Variants in CCDC144A observed in about 807,000 individuals in gnomAD.
CCDC144A encodes coiled-coil domain containing 144A, also known as coiled-coil domain-containing protein 144A.
Under a neutral mutation model 143.8 loss-of-function variants are expected in CCDC144A, and 41 were observed. The observed-to-expected ratio is 0.29, with a 90% CI of 0.22 to 0.37. The LOEUF (loss-of-function observed/expected upper bound fraction) is 0.37. CCDC144A is among the 10% of genes least tolerant of loss of function. CCDC144A has a pLI of 1.00. For synonymous variants in CCDC144A, 242 were observed against 517.9 expected (o/e 0.47, Z 7.23); for missense variants, 637 against 1,488.8 (o/e 0.43, Z 9.41).
upstream of CCDC144A, among the ~76,000 whole-genome samples, chr17:16,686,819 G>A (rs1258201454): frequency 1.3e-5 from 2 of 151,576 alleles, no homozygotes; most frequent in Admixed American, 6.6e-5. Context: ...TTTCAGGGAA[G>A]GGAAGGTTCT....
At chr17:16,714,594 C>A (rs1912634159) in intron 6 of CCDC144A, among the ~76,000 whole-genome samples, 1 of 152,112 alleles carries the variant, frequency 6.6e-6, no homozygotes, top group Non-Finnish European at 1.5e-5. Context: ...CATTTCCAAG[C>A]CACCACCATC....
intron 9 of CCDC144A, chr17:16,731,379 G>A (rs1224190938): frequency 4.8e-6 from 1 of 208,066 alleles, no homozygotes; most frequent in Non-Finnish European, 9.7e-6. Context: ...TCATGAAGAT[G>A]AAAATGCATT....
At chr17:16,754,752 A>G (rs1914994432) in intron 12 of CCDC144A, among the ~76,000 whole-genome samples, 1 of 152,268 alleles carries the variant, frequency 6.6e-6, no homozygotes, top group South Asian at 2.1e-4. Context: ...TGTGGTCTAT[A>G]GTGCAGGTTC....
At chr17:16,708,083 T>A (rs1406230672) in intron 4 of CCDC144A, among the ~76,000 whole-genome samples, 1 of 152,090 alleles carries the variant, frequency 6.6e-6, no homozygotes, top group East Asian at 1.9e-4. Flanking sequence ...CAGAATGGGA[T>A]CTTTGGTGTT....
At chr17:16,732,444 T>A in intron 10 of CCDC144A, 94 bp from the exon 11 acceptor site, 1 of 682,274 alleles carries the variant, frequency 1.5e-6, no homozygotes, top group South Asian at 1.9e-5. Context: ...ACAGGCTACT[T>A]CTTTTTAACC....
chr17:16,761,340 A>C (rs1223070651), intron 12 of CCDC144A, 85 bp from the exon 13 acceptor site: 1 of 1,496,570 alleles, frequency 6.7e-7, no homozygotes, highest in Non-Finnish European at 8.9e-7. Flanking sequence ...TCTCAAAAAA[A>C]AAAAAAAAAA....
chr17:16,696,325 A>G (rs1911399502), intron 2 of CCDC144A, among the ~76,000 whole-genome samples: 1 of 149,904 alleles, frequency 6.7e-6, no homozygotes, highest in Non-Finnish European at 1.5e-5. Flanking sequence ...AGACTTTTTA[A>G]TACTACAGAA....
At chr17:16,725,002 A>ATTTTTTTTTTTTT (rs1167527388) in intron 8 of CCDC144A, among the ~76,000 whole-genome samples, 3 of 37,268 alleles carry the variant, frequency 8.0e-5, no homozygotes, top group Non-Finnish European at 1.6e-4. Context: ...ATAGCTGGTA[A>ATTTTTTTTTTTTT]TTTTTTTTTT....
intron 5 of CCDC144A, among the ~76,000 whole-genome samples, chr17:16,711,145 A>AAAAAAAAAAAAAAC (rs1156717038): frequency 3.2e-4 from 43 of 133,470 alleles, no homozygotes; most frequent in East Asian, 1.5e-3. Flanking sequence ...TGAAAAAAAA[A>AAAAAAAAAAAAAAC]AAAAAAAAAA....
At chr17:16,693,417 G>A (rs539469936) in intron 2 of CCDC144A, among the ~76,000 whole-genome samples, 3 of 151,654 alleles carry the variant, frequency 2.0e-5, no homozygotes, top group Non-Finnish European at 4.4e-5. Context: ...CCTGGTTCAC[G>A]CCATTCTCTT....
intron 2 of CCDC144A, among the ~76,000 whole-genome samples, chr17:16,698,896 A>C (rs1911565333): frequency 6.6e-6 from 1 of 152,228 alleles, no homozygotes; most frequent in Non-Finnish European, 1.5e-5. Context: ...TATAAAGCGA[A>C]ATGCTGAATA....
chr17:16,694,609 A>G (rs1175459001), intron 2 of CCDC144A, among the ~76,000 whole-genome samples: 7 of 152,098 alleles, frequency 4.6e-5, no homozygotes, highest in Non-Finnish European at 1.0e-4. Context: ...AACCCTGCCA[A>G]ACATACCCAA....
At chr17:16,683,957 T>C in the CCDC144A span, 1 of 1,195,672 alleles carries the variant, frequency 8.4e-7, no homozygotes, top group Non-Finnish European at 1.2e-6. Flanking sequence ...GGGGCCGGGC[T>C]ATCCTTTAAC....
At position 16,691,499 on chromosome 17, in the gene CCDC144A, T is replaced by C. The variant is rs572676508; in HGVS notation, c.344+755T>C. On this transcript the variant is annotated intron_variant, in intron 1 of 16. Coordinates refer to ENST00000399273, the MANE Select transcript of CCDC144A (RefSeq NM_001382000.1). ...AGCTTTGGCAGGGTGCAGTGGCTCA[T>C]GCCTGTAATCCCAGCAATTTGGGAG... 7.9e-3 allele frequency among the ~76,000 whole-genome samples: 1,207 copies of C among 152,000 alleles called. 8 individuals are homozygous for C. The highest frequency in any genetic ancestry group is 0.017 in the Admixed American group (267 of 15,264).
At chr17:16,669,005 C>T in the CCDC144A span, among the ~76,000 whole-genome samples, 2 of 152,202 alleles carry the variant, frequency 1.3e-5, no homozygotes, top group African/African-American at 2.4e-5. Context: ...CATGCCATAA[C>T]ACACACTGCT....
At chr17:16,730,012 T>C (rs1333848941) in intron 9 of CCDC144A, among the ~76,000 whole-genome samples, 2 of 130,356 alleles carry the variant, frequency 1.5e-5, no homozygotes, top group Non-Finnish European at 1.6e-5. Context: ...ATTTTTTGTT[T>C]TTTTTTGGTA....
At chr17:16,684,354 A>G in the CCDC144A span, 1 of 651,260 alleles carries the variant, frequency 1.5e-6, no homozygotes, top group Admixed American at 2.4e-5. Flanking sequence ...ATATCATAAT[A>G]TATATTAAAA....
At chr17:16,729,717 G>A (rs1424597348) in intron 9 of CCDC144A, among the ~76,000 whole-genome samples, 1 of 151,416 alleles carries the variant, frequency 6.6e-6, no homozygotes, top group Non-Finnish European at 1.5e-5. Context: ...ACCACGCCTG[G>A]CTAATTTTGT....
the CCDC144A span, among the ~76,000 whole-genome samples, chr17:16,670,307 T>TTTTTTTTTTTTAAAG: frequency 1.4e-4 from 18 of 127,794 alleles, no homozygotes; most frequent in South Asian, 8.3e-4. Flanking sequence ...TTTTTTTTTT[T>TTTTTTTTTTTTAAAG]GACAGAGTCT....
Sources: gnomAD v4.1 joint callset for allele counts (sites outside exome capture counted in the v4.1 genomes callset) on GRCh38, gnomAD v4.1.1 for gene constraint, MANE v1.5 for transcripts, NCBI Gene and HGNC (gene_info 2026-07-23, HGNC 2026-07-21) for gene names.